Variants in PDE4D observed in about 807,000 individuals in gnomAD.
PDE4D encodes the protein 3',5'-cyclic-AMP phosphodiesterase 4D.
PDE4D carries 24 observed loss-of-function variants against 87.4 expected under a neutral mutation model. That is an observed-to-expected ratio of 0.27 (90% CI 0.20 to 0.39). The LOEUF (loss-of-function observed/expected upper bound fraction) is 0.39, where lower values mean the gene tolerates loss of function less well. Ranked by LOEUF, PDE4D falls within the 10% of genes least tolerant of loss-of-function variation. PDE4D has a pLI of 1.00. For missense variants in PDE4D, 714 were observed against 1,041.0 expected, an observed-to-expected ratio of 0.69 and a Z score of 4.32; for synonymous variants, 384 against 383.2, an observed-to-expected ratio of 1.00 and a Z score of -0.02.
chr5:59,586,374 A>G, intron 1 of PDE4D: 1 of 1,612,498 alleles, frequency 6.2e-7, no homozygotes, highest in Non-Finnish European at 8.5e-7. Context: ...CACGTGCATC[A>G]TGTTCGCAGA....
intron 1 of PDE4D, among the ~76,000 whole-genome samples, chr5:60,354,676 A>G (rs1348581630): frequency 1.3e-5 from 2 of 152,162 alleles, no homozygotes; most frequent in Non-Finnish European, 2.9e-5. Flanking sequence ...GGGCATTCTG[A>G]ACCATTTTTA....
At chr5:59,203,624 T>TACACAC (rs79799414) in intron 2 of PDE4D, among the ~76,000 whole-genome samples, 1 of 151,016 alleles carries the variant, frequency 6.6e-6, no homozygotes, top group African/African-American at 2.4e-5. Context: ...AAATGTTATA[T>TACACAC]ACACACACAC....
intron 1 of PDE4D, among the ~76,000 whole-genome samples, chr5:59,317,929 T>C (rs1171172014): frequency 1.3e-5 from 2 of 152,140 alleles, no homozygotes; most frequent in Non-Finnish European, 2.9e-5. Context: ...CCAAAGCTTA[T>C]GCATGTCTAA....
At chr5:60,493,897 T>A (rs1332503596) in intron 1 of PDE4D, among the ~76,000 whole-genome samples, 1 of 152,056 alleles carries the variant, frequency 6.6e-6, no homozygotes, top group Non-Finnish European at 1.5e-5. Flanking sequence ...CCAGTACCAC[T>A]TACCACATAA....
At chr5:59,296,084 A>T (rs1352940971) in intron 1 of PDE4D, among the ~76,000 whole-genome samples, 2 of 152,072 alleles carry the variant, frequency 1.3e-5, no homozygotes, top group East Asian at 3.9e-4. Context: ...TGAAAAAAAA[A>T]AATCTGACTG....
chr5:60,459,867 C>T, intron 1 of PDE4D: 1 of 622,992 alleles, frequency 1.6e-6, no homozygotes. Flanking sequence ...TTCCTTCATC[C>T]TTCTCTCCTT....
chr5:60,276,115 G>A (rs1751343438), intron 1 of PDE4D, among the ~76,000 whole-genome samples: 1 of 152,130 alleles, frequency 6.6e-6, no homozygotes, highest in Admixed American at 6.5e-5. Flanking sequence ...GTTATTGAAA[G>A]GAATGTTCTC....
chr5:60,207,127 A>G (rs1448470313), intron 1 of PDE4D, among the ~76,000 whole-genome samples: 1 of 152,202 alleles, frequency 6.6e-6, no homozygotes, highest in African/African-American at 2.4e-5. Flanking sequence ...AACATCAGAG[A>G]AGAAATAAGA....
At chr5:60,225,559 A>G (rs961658520) in intron 1 of PDE4D, among the ~76,000 whole-genome samples, 2 of 152,064 alleles carry the variant, frequency 1.3e-5, no homozygotes, top group Non-Finnish European at 2.9e-5. Context: ...CATTTGTTCA[A>G]TCATCTGAGA....
At chr5:59,544,696 G>A (rs940996944) in intron 1 of PDE4D, among the ~76,000 whole-genome samples, 1 of 152,188 alleles carries the variant, frequency 6.6e-6, no homozygotes, top group African/African-American at 2.4e-5. Flanking sequence ...TCCACAGTGA[G>A]TAGTGGGGAG....
At chr5:60,164,043 T>C (rs1270936381) in intron 2 of PDE4D, among the ~76,000 whole-genome samples, 1 of 152,196 alleles carries the variant, frequency 6.6e-6, no homozygotes, top group Non-Finnish European at 1.5e-5. Context: ...CAGAGCTGTC[T>C]TTAATACCAC....
At chr5:60,457,034 T>G (rs1746524400) in intron 1 of PDE4D, among the ~76,000 whole-genome samples, 1 of 152,128 alleles carries the variant, frequency 6.6e-6, no homozygotes, top group African/African-American at 2.4e-5. Flanking sequence ...TAATTAACAT[T>G]GCAAAAATGA....
intron 2 of PDE4D, among the ~76,000 whole-genome samples, chr5:60,176,290 CCTGT>C (rs762461545): frequency 9.9e-5 from 15 of 152,120 alleles, no homozygotes; most frequent in Non-Finnish European, 1.9e-4. Flanking sequence ...CTTGCAGGTG[CCTGT>C]CTCTTTCCAG....
At chr5:59,002,224 T>C (rs1750691740) in intron 6 of PDE4D, among the ~76,000 whole-genome samples, 1 of 152,206 alleles carries the variant, frequency 6.6e-6, no homozygotes, top group African/African-American at 2.4e-5. Flanking sequence ...AGAACAAGAA[T>C]TGCAAGTTTA....
At chr5:59,134,758 C>G (rs897387485) in intron 5 of PDE4D, among the ~76,000 whole-genome samples, 1 of 152,112 alleles carries the variant, frequency 6.6e-6, no homozygotes, top group Middle Eastern at 3.2e-3. Context: ...TATATATGAC[C>G]CTTTCTCATA....
intron 5 of PDE4D, among the ~76,000 whole-genome samples, chr5:59,100,226 A>G (rs188741416): frequency 1.3e-4 from 20 of 152,358 alleles, no homozygotes; most frequent in African/African-American, 4.8e-4. Context: ...GCCACTGTCT[A>G]TAAACTTTTT....
chr5:59,319,968 T>C (rs1774420484), intron 1 of PDE4D, among the ~76,000 whole-genome samples: 1 of 152,042 alleles, frequency 6.6e-6, no homozygotes, highest in Non-Finnish European at 1.5e-5. Flanking sequence ...ATTAAGTCTC[T>C]GCACCATTTC....
At chr5:60,356,959 A>C (rs139261254) in intron 1 of PDE4D, among the ~76,000 whole-genome samples, 166 of 152,288 alleles carry the variant, frequency 1.1e-3, no homozygotes, top group African/African-American at 4.0e-3. Flanking sequence ...CACGTCCATC[A>C]ACACAGCTAC....
rs78877925 is a variant in PDE4D at position 58,997,779 on chromosome 5, A to C, written c.922-4314T>G. ...AAGGCATAAAGGAAAGTAAAAATGC[A>C]GTTGAATCTCAATACTGTATTTTGC... is the stretch of plus-strand genomic sequence containing the variant. On this transcript the variant is annotated intron_variant, in intron 6 of 14. Transcript: ENST00000340635. 7.1e-3 allele frequency among the ~76,000 whole-genome samples: 1,087 copies of C among 152,252 alleles called. 10 individuals are homozygous for C. Among genetic ancestry groups the C allele is most frequent in the African/African-American group, 0.025 (1,036 of 41,570 alleles).
Sources: gnomAD v4.1 joint callset for allele counts (sites outside exome capture counted in the v4.1 genomes callset) on GRCh38, gnomAD v4.1.1 for gene constraint, MANE v1.5 for transcripts, NCBI Gene and HGNC (gene_info 2026-07-23, HGNC 2026-07-21) for gene names.